The following NSD1 variants were observed in gnomAD, a reference collection of about 807,000 sequenced individuals.
NSD1 encodes nuclear receptor binding SET domain protein 1.
Under a neutral mutation model 242.7 loss-of-function variants are expected in NSD1, and 26 were observed. That is an observed-to-expected ratio of 0.11 (90% CI 0.08 to 0.15). The LOEUF is 0.15. Ranked by LOEUF, NSD1 falls within the 10% of genes least tolerant of loss-of-function variation. The pLI, the probability that NSD1 is intolerant of heterozygous loss-of-function variation, is 1.00. For synonymous variants in NSD1, 1,106 were observed against 1,178.1 expected, an observed-to-expected ratio of 0.94 and a Z score of 1.25; for missense variants, 2,495 against 3,272.8, an observed-to-expected ratio of 0.76 and a Z score of 5.80.
Position 177,294,418 on chromosome 5 carries a change from G to A in NSD1, c.7050G>A (p.Leu2350=). ...CACCCTCAGTCAGGTCCCAACCACTGGAAAGACCTCTGGGGACGGCTGACC... is the reference window on the plus strand; with the variant it reads ...CACCCTCAGTCAGGTCCCAACCACTAGAAAGACCTCTGGGGACGGCTGACC... ...SSSPSVRSQP[L]ERPLGTADPR... Residue 2350 remains leucine (L), a synonymous_variant, in exon 23 of 23, where the codon CTG becomes CTA. Transcript: ENST00000439151. The A allele has an allele frequency of 6.2e-7, 1 of 1,614,168 alleles. No individual in the cohort carries two copies. The highest frequency in any genetic ancestry group is 1.7e-5 in the Admixed American group (1 of 60,014).
At chr5:177,202,887 T>C (rs576341590) in intron 3 of NSD1, among the ~76,000 whole-genome samples, 1 of 152,244 alleles carries the variant, frequency 6.6e-6, no homozygotes, top group Admixed American at 6.5e-5. Context: ...AAAATTTAAC[T>C]AAGTTTTAGT....
Position 177,277,890 on chromosome 5 carries a change from G to A in NSD1, c.5623-2675G>A, listed in dbSNP as rs111368720. Among the ~76,000 whole-genome samples, 152 of 152,304 alleles carry A rather than the reference G, an allele frequency of 1.0e-3. 1 individual carries two copies. Among genetic ancestry groups the A allele is most frequent in the Admixed American group, 1.8e-3 (27 of 15,296 alleles). On this transcript the variant is annotated intron_variant, in intron 17 of 22. Coordinates refer to ENST00000439151, the MANE Select transcript of NSD1 (RefSeq NM_022455.5). ...TTTGTAGAGAGAAAAGAAGTAGCAT[G>A]AACCTTTATGTGTATTTGGGAAGGG...
rs769206081 is a variant in NSD1, at chr5:177,210,341, G to A, written c.1942G>A (p.Asp648Asn). The change falls in exon 5 of 23, where the codon GAC becomes AAC. Residue 648 changes from aspartate (D) to asparagine (N), a missense_variant. This residue lies in a region of NSD1 where 515 missense variants were observed against 467.0 expected (regional missense o/e 1.10). Coordinates refer to ENST00000439151, the MANE Select transcript of NSD1 (RefSeq NM_022455.5). ...ICTTSDDGSS[D>N]LDPIEHSSES... ...TACCACTTCTGATGATGGAAGCAGT[G>A]ACCTGGATCCCATAGAACACAGCTC... The A allele has an allele frequency of 3.1e-6, 5 of 1,614,066 alleles. No homozygotes were observed. Among genetic ancestry groups the A allele is most frequent in the Non-Finnish European group, 4.2e-6 (5 of 1,179,992 alleles).
intron 2 of NSD1, among the ~76,000 whole-genome samples, chr5:177,190,238 A>G (rs1467805507): frequency 1.3e-5 from 2 of 151,906 alleles, no homozygotes; most frequent in African/African-American, 4.8e-5. Flanking sequence ...ATTTATAGGC[A>G]AGAGCCACAG....
At chr5:177,132,283 G>A (rs1487666846), upstream of NSD1, among the ~76,000 whole-genome samples, 1 of 151,664 alleles carries the variant, frequency 6.6e-6, no homozygotes, top group African/African-American at 2.4e-5. The surrounding 1 kb of genome is among the most constrained non-coding windows in gnomAD (Gnocchi z 7.5). Flanking sequence ...GGCCCGCTCT[G>A]GGCGGCGGTG....
rs1253972089 is a variant in NSD1 at position 177,295,353 on chromosome 5, G to C, written c.7985G>C (p.Cys2662Ser). ...AGSTQTLAQT[C>S]WSLGRGQDPK... The stretch of plus-strand genomic sequence containing the variant: ...AGCACACAGACATTGGCACAGACTT[G>C]CTGGTCTCTTGGAAGAGGGCAAGAC... The change falls in exon 23 of 23, where the codon TGC becomes TCC. Residue 2662 changes from cysteine (C) to serine (S), a missense_variant. Cys to Ser is a moderately radical substitution (Grantham distance 112, BLOSUM62 -1). This residue lies in a region of NSD1 where 475 missense variants were observed against 563.7 expected (regional missense o/e 0.84). Transcript: ENST00000439151. The surrounding 1 kb of genome is among the most constrained non-coding windows in gnomAD (Gnocchi z 4.3). The C allele has an allele frequency of 1.2e-6, 2 of 1,614,102 alleles. No individual in the cohort carries two copies. The highest frequency in any genetic ancestry group is 1.7e-6 in the Non-Finnish European group (2 of 1,180,056).
At chr5:177,275,341 A>G (rs968757755) in intron 17 of NSD1, among the ~76,000 whole-genome samples, 2 of 151,116 alleles carry the variant, frequency 1.3e-5, no homozygotes, top group African/African-American at 4.9e-5. Context: ...TTAAACGACA[A>G]TGCAGTACTT....
chr5:177,264,232 A>G (rs1339268539), intron 14 of NSD1, among the ~76,000 whole-genome samples: 1 of 151,860 alleles, frequency 6.6e-6, no homozygotes, highest in African/African-American at 2.4e-5. Flanking sequence ...AGATGAGGCA[A>G]TATTTTTAAT....
intron 17 of NSD1, among the ~76,000 whole-genome samples, chr5:177,275,524 C>T (rs1345146632): frequency 6.9e-6 from 1 of 145,522 alleles, no homozygotes. Context: ...AGCTCTGCCT[C>T]CCGGGTTCAA....
intron 2 of NSD1, among the ~76,000 whole-genome samples, chr5:177,183,199 T>C (rs1416246599): frequency 6.6e-6 from 1 of 152,208 alleles, no homozygotes; most frequent in Admixed American, 6.5e-5. Flanking sequence ...ATACATTGAA[T>C]ACAACAAAGC....
intron 17 of NSD1, among the ~76,000 whole-genome samples, chr5:177,280,179 G>A (rs569182955): frequency 5.3e-4 from 80 of 150,466 alleles, no homozygotes; most frequent in African/African-American, 1.9e-3. Context: ...GGGTTTCACC[G>A]TGTTAGCCAG....
At position 177,270,290 on chromosome 5, in the gene NSD1, G is replaced by A. The variant is rs996887410; in HGVS notation, c.5509+483G>A. Among the ~76,000 whole-genome samples the A allele has an allele frequency of 3.9e-5, 6 of 152,188 alleles. No individual in the cohort carries two copies. The South Asian group carries it at 1.2e-3, about 31-fold the overall frequency. ...AATCAAAATAAAGTTTTGTAAACTG[G>A]CCTAGCAATGAAGGCAGGGTGCCCT... is the stretch of plus-strand genomic sequence containing the variant. On this transcript the variant is annotated intron_variant, in intron 16 of 22. Coordinates refer to ENST00000439151, the MANE Select transcript of NSD1 (RefSeq NM_022455.5).
chr5:177,270,306 A>C (rs1483035651), intron 16 of NSD1, among the ~76,000 whole-genome samples: 2 of 152,266 alleles, frequency 1.3e-5, no homozygotes, highest in African/African-American at 4.8e-5. Context: ...CAATGAAGGC[A>C]GGGTGCCCTG....
intron 14 of NSD1, chr5:177,266,792 G>A (rs1382083784): frequency 4.4e-6 from 1 of 228,282 alleles, no homozygotes; most frequent in African/African-American, 2.3e-5. Context: ...TCTGGCAAGA[G>A]CGTGGCTCAT....
intron 13 of NSD1, among the ~76,000 whole-genome samples, chr5:177,257,456 C>T (rs1348116864): frequency 6.6e-6 from 1 of 152,090 alleles, no homozygotes; most frequent in African/African-American, 2.4e-5. Context: ...TGGTCTCGAT[C>T]TCCTGACCTC....
chr5:177,209,373 C>CA (rs1250108945), intron 4 of NSD1, among the ~76,000 whole-genome samples: 1 of 151,508 alleles, frequency 6.6e-6, no homozygotes, highest in Non-Finnish European at 1.5e-5. Flanking sequence ...ACTGAAAATA[C>CA]AAAAAATTAG....
Position 177,211,605 on chromosome 5 carries a change from A to G in NSD1, c.3206A>G (p.Gln1069Arg). The change falls in exon 5 of 23, where the codon CAG (glutamine) becomes CGG (arginine). Residue 1069 changes from glutamine (Q) to arginine (R), a missense_variant. This residue lies in a region of NSD1 where 426 missense variants were observed against 411.4 expected (regional missense o/e 1.04). Transcript: ENST00000439151. ...LPSVTLDAVL[Q>R]GDRERGGSLR... is the part of the protein sequence containing the mutation. ...AGTGTGACTCTTGATGCTGTACTGC[A>G]GGGAGACCGAGAACGTGGAGGTTCA... The G allele has an allele frequency of 6.2e-7, 1 of 1,614,154 alleles. No homozygotes were observed. Among genetic ancestry groups the G allele is most frequent in the Non-Finnish European group, 8.5e-7 (1 of 1,180,018 alleles).
At chr5:177,207,905 A>AGT (rs145605083) in intron 4 of NSD1, among the ~76,000 whole-genome samples, 1,752 of 149,316 alleles carry the variant, frequency 0.012, 27 homozygotes, top group African/African-American at 0.037. Context: ...ATGTCCAGCT[A>AGT]GTGTGTGTGT....
chr5:177,200,722 T>A (rs1762448972), intron 3 of NSD1, among the ~76,000 whole-genome samples: 1 of 152,164 alleles, frequency 6.6e-6, no homozygotes, highest in African/African-American at 2.4e-5. Context: ...CTATAGTATG[T>A]TTCTGAATTT....
Sources: allele counts gnomAD v4.1 joint callset (sites outside exome capture counted in the v4.1 genomes callset), GRCh38; gene constraint gnomAD v4.1.1; regional missense constraint gnomAD v4.1.1; non-coding constraint Gnocchi (gnomAD v3.1); transcripts MANE v1.5; gene names NCBI Gene and HGNC (gene_info 2026-07-23, HGNC 2026-07-21).